The following DNAH2 variants were observed in gnomAD, a reference collection of about 807,000 sequenced individuals.
DNAH2 encodes dynein axonemal heavy chain 2.
Under a neutral mutation model 523.5 loss-of-function variants are expected in DNAH2, and 323 were observed. The observed-to-expected ratio is 0.62, with a 90% CI of 0.56 to 0.68. The LOEUF is 0.68. DNAH2 is among the 30% of genes least tolerant of loss of function. DNAH2 has a pLI of 0.00. For missense variants in DNAH2, 4,907 were observed against 5,701.5 expected (o/e 0.86, Z 4.49); for synonymous variants, 2,093 against 2,177.4 (o/e 0.96, Z 1.08).
At chr17:7,823,291 T>G in intron 73 of DNAH2, 151 bp from the exon 74 acceptor site, 1 of 654,670 alleles carries the variant, frequency 1.5e-6, no homozygotes. Flanking sequence ...TAAGACTCCA[T>G]CTCAAAAAAA....
At position 7,786,549 on chromosome 17, in the gene DNAH2, C is replaced by G. The variant is rs770047480; in HGVS notation, c.6349-21C>G. 3 of 1,606,768 alleles carry G rather than the reference C, an allele frequency of 1.9e-6. No individual in the cohort carries two copies. The highest frequency in any genetic ancestry group is 2.2e-5 in the South Asian group (2 of 90,818). ...GTTTTTGTCCATCAGCAGCTAAAAC[C>G]CCTTCCGGTGTCATTTTCAGGAGTT... On this transcript the variant is annotated intron_variant, in intron 40 of 85. Transcript: ENST00000572933. This position sits in a 1 kb window ranked among gnomAD's most constrained non-coding sequence, Gnocchi z 7.5.
At chr17:7,770,199 A>G in intron 24 of DNAH2, 53 bp from the exon 25 acceptor site, 1 of 1,529,586 alleles carries the variant, frequency 6.5e-7, no homozygotes, top group Non-Finnish European at 8.8e-7. Flanking sequence ...GGGAGACAGC[A>G]ATGGAGTGAT....
chr17:7,740,067 G>A (rs2075264108), intron 9 of DNAH2, 129 bp downstream of exon 9: 1 of 475,890 alleles, frequency 2.1e-6, no homozygotes, highest in Non-Finnish European at 2.9e-6. Context: ...GCGGTGGCCC[G>A]GGGGGGGGGA....
intron 4 of DNAH2, among the ~76,000 whole-genome samples, chr17:7,730,107 C>G (rs1387076085): frequency 2.7e-5 from 4 of 146,922 alleles, no homozygotes. Flanking sequence ...TCTACCACAA[C>G]TTAATAAGAC....
rs1281455485 is a variant in DNAH2, at chr17:7,786,682, G to A, written c.6461G>A (p.Cys2154Tyr). The A allele has an allele frequency of 1.9e-6, 3 of 1,613,920 alleles. No homozygotes were observed. The highest frequency in any genetic ancestry group is 2.5e-6 in the Non-Finnish European group (3 of 1,180,006). The change falls in exon 41 of 86, where the codon TGT becomes TAT. Residue 2154 changes from cysteine (C) to tyrosine (Y), a missense_variant. Coordinates refer to ENST00000572933, the MANE Select transcript of DNAH2 (RefSeq NM_020877.5). The surrounding 1 kb of genome is among the most constrained non-coding windows in gnomAD (Gnocchi z 7.5). The part of the protein sequence containing the change: ...GILSSVMRTA[C>Y]ADEKPDEKWI... ...TTGTCCAGTGTCATGCGGACGGCATGTGCAGGTATCCAGAGGATCGTGGGG... is the reference window on the plus strand; with the variant it reads ...TTGTCCAGTGTCATGCGGACGGCATATGCAGGTATCCAGAGGATCGTGGGG...
At chr17:7,764,381 AC>A in intron 20 of DNAH2, 108 bp downstream of exon 20, 1 of 1,396,842 alleles carries the variant, frequency 7.2e-7, no homozygotes, top group Admixed American at 2.3e-5. Flanking sequence ...GCAGGAGGAG[AC>A]TCTAGATTTG....
chr17:7,781,249 C>T (rs1177840136), intron 39 of DNAH2, 82 bp downstream of exon 39: 2 of 1,515,154 alleles, frequency 1.3e-6, no homozygotes, highest in East Asian at 4.5e-5. Flanking sequence ...CCGAGGTGGG[C>T]AGACTGTTTG....
At chr17:7,758,673 C>T (rs192662671) in intron 14 of DNAH2, 22 bp downstream of exon 14, 4 of 1,602,280 alleles carry the variant, frequency 2.5e-6, no homozygotes, top group Admixed American at 3.5e-5. Flanking sequence ...TCCTTAGACC[C>T]TAAAGGTCTG....
At chr17:7,764,505 G>C (rs1210791092) in intron 20 of DNAH2, among the ~76,000 whole-genome samples, 3 of 150,900 alleles carry the variant, frequency 2.0e-5, no homozygotes, top group Non-Finnish European at 4.4e-5. Context: ...CTGTCACCCA[G>C]GCTGGAGTGC....
Position 7,760,841 on chromosome 17 carries a change from C to T in DNAH2, c.2887C>T (p.Arg963Trp), listed in dbSNP as rs368308627. The change falls in exon 18 of 86, where the codon CGG becomes TGG. Residue 963 changes from arginine to tryptophan, a missense_variant. Transcript: ENST00000572933. The surrounding 1 kb of genome is among the most constrained non-coding windows in gnomAD (Gnocchi z 4.0). ...CTACCTCAAGACCTGGGACATGTAC[C>T]GGGAGATCTGGGAGATCAACAAGGA... Reference protein sequence around the residue: ...QNYLKTWDMYREIWEINKDSF... With the variant: ...QNYLKTWDMYWEIWEINKDSF... The T allele has an allele frequency of 2.2e-5, 35 of 1,614,052 alleles. No homozygotes were observed. The highest frequency in any genetic ancestry group is 1.0e-4 in the Admixed American group (6 of 59,994).
At chr17:7,824,067 T>C in intron 75 of DNAH2, 54 bp from the exon 76 acceptor site, 1 of 1,573,254 alleles carries the variant, frequency 6.4e-7, no homozygotes, top group Non-Finnish European at 8.6e-7. Flanking sequence ...CATCTCTCTC[T>C]CCCACTTTGG....
In DNAH2 at chr17:7,807,552, C is replaced by A. The variant is rs1169950680; in HGVS notation, c.9695C>A (p.Ala3232Asp). The change falls in exon 63 of 86, where the codon GCC (alanine) becomes GAC (aspartate). Residue 3232 changes from alanine (A) to aspartate (D), a missense_variant. Around this residue, in one of 3 missense-constraint regions of DNAH2, gnomAD observed 1,851 missense variants for 2,139.4 expected, o/e 0.87. Transcript: ENST00000572933. The surrounding 1 kb of genome is among the most constrained non-coding windows in gnomAD (Gnocchi z 5.6). ...AALAQLREKQ[A>D]ALAEAQEKLR... ...TTGGCTCAGCTTCGGGAGAAGCAAGCCGCGCTCGCTGAGGCCCAGGAGAAG... is the reference window on the plus strand; with the variant it reads ...TTGGCTCAGCTTCGGGAGAAGCAAGACGCGCTCGCTGAGGCCCAGGAGAAG... 3 of 1,612,724 alleles carry A rather than the reference C, an allele frequency of 1.9e-6. No individual in the cohort carries two copies. The highest frequency in any genetic ancestry group is 3.3e-5 in the Admixed American group (2 of 60,022).
intron 12 of DNAH2, among the ~76,000 whole-genome samples, chr17:7,748,526 C>T (rs1464354542): frequency 6.6e-6 from 1 of 152,198 alleles, no homozygotes; most frequent in Non-Finnish European, 1.5e-5. Flanking sequence ...GACAAGGTCT[C>T]ACTGTGTTAC....
intron 77 of DNAH2, among the ~76,000 whole-genome samples, chr17:7,830,093 C>T (rs1386180910): frequency 6.6e-6 from 1 of 151,674 alleles, no homozygotes; most frequent in African/African-American, 2.4e-5. Context: ...CCATACAATG[C>T]CTATCTGTGA....
intron 77 of DNAH2, among the ~76,000 whole-genome samples, chr17:7,825,424 C>T (rs760250025): frequency 2.0e-5 from 3 of 152,228 alleles, no homozygotes; most frequent in Non-Finnish European, 4.4e-5. Flanking sequence ...GTTTGAATCA[C>T]GCATGGGTGC....
Position 7,830,829 on chromosome 17 carries a change from A to C in DNAH2, c.12217A>C (p.Thr4073Pro). ...NDYFCDQSLSTPFHRLSALET... is the reference protein window; with the variant it reads ...NDYFCDQSLSPPFHRLSALET... ...TTATTTCTGTGACCAGTCTCTATCA[A>C]CTCCCTTCCACCGGTGAGGGGGAGG... Residue 4073 changes from threonine to proline, a missense_variant, in exon 79 of 86, where the codon ACT becomes CCT. This residue lies in a region of DNAH2 where 1,851 missense variants were observed against 2,139.4 expected (regional missense o/e 0.87). Coordinates refer to ENST00000572933, the MANE Select transcript of DNAH2 (RefSeq NM_020877.5). 6.2e-7 allele frequency: 1 copy of C among 1,613,696 alleles called. No individual in the cohort carries two copies. The highest frequency in any genetic ancestry group is 8.5e-7 in the Non-Finnish European group (1 of 1,179,990).
Position 7,757,181 on chromosome 17 carries a change from C to T in DNAH2, c.1995C>T (p.Ala665=), listed in dbSNP as rs377589071. 6 of 1,614,042 alleles carry T rather than the reference C, an allele frequency of 3.7e-6. No individual in the cohort carries two copies. The highest frequency in any genetic ancestry group is 2.2e-5 in the East Asian group (1 of 44,894). Residue 665 remains alanine, a synonymous_variant, in exon 13 of 86, where the codon GCC becomes GCT. Transcript: ENST00000572933. ...ACGTGGTGAACGTAGCTGAGCGAGC[C>T]GAGGACCTGCGCATTCTGCGTGAAA... ...PHYVVNVAER[A]EDLRILRENL... is the part of the protein sequence containing the mutation.
intron 77 of DNAH2, 43 bp downstream of exon 77, chr17:7,824,770 C>T (rs752271210): frequency 1.4e-6 from 2 of 1,409,458 alleles, no homozygotes; most frequent in East Asian, 5.3e-5. Context: ...GCCATCTGGT[C>T]CACCTTACCT....
At position 7,792,040 on chromosome 17, in the gene DNAH2, C is replaced by T. The variant is rs749486150; in HGVS notation, c.7024C>T (p.Arg2342Ter). 17 of 1,613,722 alleles carry T rather than the reference C, an allele frequency of 1.1e-5. No individual in the cohort carries two copies. Among genetic ancestry groups the T allele is most frequent in the African/African-American group, 1.3e-5 (1 of 74,842 alleles). Residue 2342 changes from arginine (R) to a stop codon, truncating the protein, a stop_gained, in exon 45 of 86, where the codon CGA becomes TGA. Coordinates refer to ENST00000572933, the MANE Select transcript of DNAH2 (RefSeq NM_020877.5). LOFTEE classifies it high-confidence loss of function. ...CCGGAAGAGGATCGACAGCTACCTCCGAGAGATCGAGGGCTCCTTTCCCAA... is the reference window on the plus strand; with the variant it reads ...CCGGAAGAGGATCGACAGCTACCTCTGAGAGATCGAGGGCTCCTTTCCCAA... ...EGRKRIDSYL[R>*]EIEGSFPNKD...
Sources: allele counts gnomAD v4.1 joint callset (sites outside exome capture counted in the v4.1 genomes callset), GRCh38; gene constraint gnomAD v4.1.1; regional missense constraint gnomAD v4.1.1; non-coding constraint Gnocchi (gnomAD v3.1); transcripts MANE v1.5; gene names NCBI Gene and HGNC (gene_info 2026-07-23, HGNC 2026-07-21).